The following SLC25A21 variants were observed in gnomAD, a reference collection of about 807,000 sequenced individuals.
The protein encoded by SLC25A21 is mitochondrial 2-oxodicarboxylate carrier.
In SLC25A21, 47 loss-of-function variants were observed where a neutral mutation model predicts 43.8. The ratio of observed to expected loss-of-function variants is 1.07; its 90% CI spans 0.85 to 1.37. The LOEUF (loss-of-function observed/expected upper bound fraction) is 1.37, where lower values mean the gene tolerates loss of function less well. Ranked by LOEUF, SLC25A21 falls within the 40% of genes most tolerant of loss-of-function variation. The pLI, the probability that SLC25A21 is intolerant of heterozygous loss-of-function variation, is 0.00. For missense variants in SLC25A21, 352 were observed against 350.2 expected (o/e 1.00, Z -0.04); for synonymous variants, 131 against 121.3 (o/e 1.08, Z -0.52).
intron 4 of SLC25A21, among the ~76,000 whole-genome samples, chr14:36,733,727 G>A (rs934891094): frequency 1.2e-4 from 18 of 152,172 alleles, no homozygotes; most frequent in Admixed American, 2.0e-4. Context: ...CATTATTATG[G>A]AAGGACAAAG....
chr14:36,684,815 AG>A lies in SLC25A21; in HGVS notation c.713del (p.Pro238LeufsTer27). On this transcript the variant is annotated frameshift_variant, in exon 8 of 10. Transcript: ENST00000331299. LOFTEE classifies it high-confidence loss of function. ...FDVAKSRIQG[P>X]QPVPGEIKYR... is the part of the protein sequence containing the mutation. ...ACTTGATCTCTCCAGGAACTGGTTG[AG>A]GCCCTTGAATCCTACTTTTGGCAAC... The A allele has an allele frequency of 6.2e-7, 1 of 1,614,134 alleles. No individual in the cohort carries two copies. The highest frequency in any genetic ancestry group is 8.5e-7 in the Non-Finnish European group (1 of 1,179,994).
intron 1 of SLC25A21, among the ~76,000 whole-genome samples, chr14:37,077,728 C>T (rs892848410): frequency 1.3e-5 from 2 of 152,138 alleles, no homozygotes; most frequent in Admixed American, 6.5e-5. Flanking sequence ...AGTATGTTTG[C>T]GTGCTTTGTC....
In SLC25A21 at chr14:36,679,369, T is replaced by TATC. The variant is rs898348460; in HGVS notation, c.*1286_*1288dup. On this transcript the variant is annotated 3_prime_UTR_variant, in exon 10 of 10. Coordinates refer to ENST00000331299, the MANE Select transcript of SLC25A21 (RefSeq NM_030631.4). ...TAATAAAAAGTAATAATTACCATGT[T>TATC]ATCTTTTACTTTTTATTTTCAAAAT... 172 of 976,258 alleles carry TATC rather than the reference T, an allele frequency of 1.8e-4. No homozygotes were observed. The highest frequency in any genetic ancestry group is 1.5e-3 in the African/African-American group (83 of 57,100). 60.5% of individuals were successfully genotyped at this position (976,258 alleles called of 1,614,324 possible).
intron 1 of SLC25A21, among the ~76,000 whole-genome samples, chr14:36,897,801 C>A (rs544444648): frequency 6.6e-6 from 1 of 152,330 alleles, no homozygotes; most frequent in South Asian, 2.1e-4. Context: ...GAGGTCCACT[C>A]CAGACACTGT....
chr14:36,836,313 A>T (rs1749942), intron 2 of SLC25A21, among the ~76,000 whole-genome samples: 113,900 of 152,072 alleles, frequency 0.75, 43,193 homozygotes, highest in East Asian at 1. Flanking sequence ...ACAACCCAAC[A>T]TGGTTCAAAC....
chr14:36,991,533 T>A lies in SLC25A21; in HGVS notation c.71-116529A>T, dbSNP rs145499656. On this transcript the variant is annotated intron_variant, in intron 1 of 9. Coordinates refer to ENST00000331299, the MANE Select transcript of SLC25A21 (RefSeq NM_030631.4). Reference sequence around the variant, plus strand: ...AGTAATAAAAGGAGCCAAGAATTTTTGAATGTGTAATTGTATTAAGGCCTT... The same window carrying A: ...AGTAATAAAAGGAGCCAAGAATTTTAGAATGTGTAATTGTATTAAGGCCTT... Among the ~76,000 whole-genome samples the A allele has an allele frequency of 3.3e-3, 507 of 152,312 alleles. 3 individuals carry two copies. Among genetic ancestry groups the A allele is most frequent in the African/African-American group, 0.012 (491 of 41,564 alleles).
intron 1 of SLC25A21, among the ~76,000 whole-genome samples, chr14:37,072,386 G>A (rs1962191869): frequency 6.6e-6 from 1 of 152,104 alleles, no homozygotes. Flanking sequence ...TCTCTACCAG[G>A]TAGCCTCATA....
intron 6 of SLC25A21, among the ~76,000 whole-genome samples, chr14:36,712,334 G>A (rs932272825): frequency 6.6e-6 from 1 of 151,166 alleles, no homozygotes; most frequent in African/African-American, 2.4e-5. Flanking sequence ...AGTTAACAGG[G>A]GAAACTGTTC....
intron 1 of SLC25A21, among the ~76,000 whole-genome samples, chr14:36,928,734 C>T (rs940710823): frequency 6.6e-6 from 1 of 152,160 alleles, no homozygotes; most frequent in African/African-American, 2.4e-5. Flanking sequence ...TTTGGTTATT[C>T]AGTCAGAACA....
intron 2 of SLC25A21, among the ~76,000 whole-genome samples, chr14:36,817,011 A>C (rs979269148): frequency 1.3e-5 from 2 of 152,202 alleles, no homozygotes; most frequent in Non-Finnish European, 2.9e-5. Flanking sequence ...ATATTATGAA[A>C]GTATTATATA....
intron 1 of SLC25A21, among the ~76,000 whole-genome samples, chr14:37,163,623 G>T (rs1963985488): frequency 6.6e-6 from 1 of 152,080 alleles, no homozygotes; most frequent in South Asian, 2.1e-4. Flanking sequence ...TAAAAATACT[G>T]CACCTTTAAC....
intron 1 of SLC25A21, among the ~76,000 whole-genome samples, chr14:37,152,000 A>C (rs768709828): frequency 4.0e-4 from 61 of 152,238 alleles, no homozygotes; most frequent in Non-Finnish European, 6.2e-4. Context: ...ACTTCACTGC[A>C]CTCCAGTGTG....
intron 1 of SLC25A21, among the ~76,000 whole-genome samples, chr14:37,023,973 A>G (rs369818339): frequency 3.9e-5 from 6 of 152,206 alleles, no homozygotes; most frequent in African/African-American, 1.4e-4. Context: ...TGTTCCATAA[A>G]TTGATTTCCT....
intron 2 of SLC25A21, among the ~76,000 whole-genome samples, chr14:36,827,712 A>G (rs925114309): frequency 2.0e-5 from 3 of 152,234 alleles, no homozygotes; most frequent in East Asian, 1.9e-4. Flanking sequence ...GTTAGGTTTC[A>G]GTTAACTATT....
At chr14:36,812,757 G>A (rs185437036) in intron 3 of SLC25A21, among the ~76,000 whole-genome samples, 1 of 152,218 alleles carries the variant, frequency 6.6e-6, no homozygotes, top group Admixed American at 6.5e-5. Context: ...AAGACAGGTA[G>A]TGATCTACAG....
intron 1 of SLC25A21, among the ~76,000 whole-genome samples, chr14:36,905,271 T>C (rs903517774): frequency 1.7e-4 from 26 of 152,188 alleles, no homozygotes; most frequent in African/African-American, 5.8e-4. Context: ...GAATAGGCTG[T>C]AGGAAGTTTT....
chr14:36,937,532 C>A lies in SLC25A21; in HGVS notation c.71-62528G>T, dbSNP rs1016170118. ...AAGGGTAGCACTCACTTCATCTGAGCCTTTCTTTTTCAAAACCTACTGTGT... is the reference window on the plus strand; with the variant it reads ...AAGGGTAGCACTCACTTCATCTGAGACTTTCTTTTTCAAAACCTACTGTGT... On this transcript the variant is annotated intron_variant, in intron 1 of 9. Transcript: ENST00000331299. Among the ~76,000 whole-genome samples the A allele has an allele frequency of 7.2e-5, 11 of 152,250 alleles. 1 individual carries two copies. In the South Asian group the frequency reaches 1.0e-3, roughly 14 times the overall value.
chr14:37,029,018 A>G (rs1348170961), intron 1 of SLC25A21, among the ~76,000 whole-genome samples: 1 of 152,190 alleles, frequency 6.6e-6, no homozygotes, highest in Non-Finnish European at 1.5e-5. Flanking sequence ...TCAGAATAAC[A>G]GAAACAAGAG....
chr14:37,147,817 A>C (rs185048607), intron 1 of SLC25A21, among the ~76,000 whole-genome samples: 1 of 144,478 alleles, frequency 6.9e-6, no homozygotes, highest in Non-Finnish European at 1.5e-5. Context: ...CATGGTAACT[A>C]TATTTCCTTT....
Sources: allele counts gnomAD v4.1 joint callset (sites outside exome capture counted in the v4.1 genomes callset), GRCh38; gene constraint gnomAD v4.1.1; transcripts MANE v1.5; gene names NCBI Gene and HGNC (gene_info 2026-07-23, HGNC 2026-07-21).